The following RERE variants were observed in gnomAD, a reference collection of about 807,000 sequenced individuals.
RERE encodes the protein arginine-glutamic acid dipeptide repeats, also known as arginine-glutamic acid dipeptide repeats protein.
A neutral mutation model predicts 146.1 loss-of-function variants in RERE; 40 were observed. That is an observed-to-expected ratio of 0.27 (90% confidence interval 0.21 to 0.36). The LOEUF (loss-of-function observed/expected upper bound fraction) is 0.36. Among genes scored for constraint, RERE ranks in the 10% least tolerant of loss-of-function variants. The pLI, the probability that RERE is intolerant of heterozygous loss-of-function variation, is 1.00. For synonymous variants in RERE, 1,003 were observed against 866.0 expected, an observed-to-expected ratio of 1.16 and a Z score of -2.78; for missense variants, 1,933 against 2,138.7, an observed-to-expected ratio of 0.90 and a Z score of 1.90.
intron 1 of RERE, among the ~76,000 whole-genome samples, chr1:8,688,678 T>C (rs933460358): frequency 2.0e-5 from 3 of 152,224 alleles, no homozygotes; most frequent in African/African-American, 4.8e-5. Flanking sequence ...ATGGGAGCTA[T>C]GATCGTGCCA....
Position 8,355,025 on chromosome 1 carries a change from A to G in RERE, c.*62T>C, listed in dbSNP as rs1458653432. On this transcript the variant is annotated 3_prime_UTR_variant, in exon 23 of 23. Transcript: ENST00000400908. ...CTTTTGCAGCTCCTATTTTATGTAA[A>G]AAGTCCTGTTTCTCCCCCCAAGAAC... 1.4e-6 allele frequency: 2 copies of G among 1,398,524 alleles called. 1 individual carries two copies. Among genetic ancestry groups the G allele is most frequent in the African/African-American group, 2.9e-5 (2 of 69,474 alleles). 86.6% of individuals were successfully genotyped at this position (1,398,524 alleles called of 1,614,324 possible).
chr1:8,604,692 G>A (rs1011135793), intron 4 of RERE, among the ~76,000 whole-genome samples: 11 of 151,206 alleles, frequency 7.3e-5, no homozygotes, highest in Non-Finnish European at 1.6e-4. Context: ...ATATCTGTAA[G>A]GTGGGCAATA....
In RERE at chr1:8,500,739, G is replaced by A. The variant is rs544278145; in HGVS notation, c.880-3210C>T. Among the ~76,000 whole-genome samples the A allele has an allele frequency of 3.3e-5, 5 of 151,790 alleles. No individual in the cohort carries two copies. In the East Asian group the frequency reaches 7.8e-4, roughly 24 times the overall value. ...TGGAAAGTGAGGAGCGTCTCTGCCC[G>A]GCCGCCATCCCATCTAGGAAGCGAG... On this transcript the variant is annotated intron_variant, in intron 8 of 22. Transcript: ENST00000400908.
intron 2 of RERE, among the ~76,000 whole-genome samples, chr1:8,645,811 G>A (rs1289310573): frequency 3.9e-5 from 6 of 152,070 alleles, no homozygotes; most frequent in East Asian, 3.8e-4. Flanking sequence ...CTATCCTCAC[G>A]AAGTAATAAG....
At chr1:8,573,628 T>C (rs1570456745) in intron 4 of RERE, among the ~76,000 whole-genome samples, 2 of 152,212 alleles carry the variant, frequency 1.3e-5, no homozygotes, top group Non-Finnish European at 2.9e-5. Flanking sequence ...TTTTCACACA[T>C]AAAACTTTTC....
At chr1:8,673,081 G>C (rs1428245225) in intron 1 of RERE, among the ~76,000 whole-genome samples, 1 of 152,068 alleles carries the variant, frequency 6.6e-6, no homozygotes, top group Non-Finnish European at 1.5e-5. Context: ...TTATCATTTA[G>C]AGGAGCCTAA....
At chr1:8,712,930 T>C (rs1278203701) in intron 1 of RERE, among the ~76,000 whole-genome samples, 1 of 152,234 alleles carries the variant, frequency 6.6e-6, no homozygotes, top group Non-Finnish European at 1.5e-5. Context: ...TAAGGCGTCA[T>C]GGTTGCAGTT....
At chr1:8,504,563 A>G (rs913413397) in intron 8 of RERE, among the ~76,000 whole-genome samples, 1 of 152,204 alleles carries the variant, frequency 6.6e-6, no homozygotes, top group African/African-American at 2.4e-5. Context: ...CTAAGAAATA[A>G]TCAGTGGTGG....
intron 7 of RERE, 76 bp downstream of exon 7, chr1:8,541,138 C>A: frequency 2.6e-6 from 2 of 782,736 alleles, no homozygotes; most frequent in Non-Finnish European, 4.2e-6. Context: ...AAACTACACA[C>A]ACACACACAT....
chr1:8,399,763 C>T (rs752982814), intron 12 of RERE, among the ~76,000 whole-genome samples: 18 of 151,594 alleles, frequency 1.2e-4, no homozygotes, highest in South Asian at 2.1e-4. Context: ...CATTTATCTA[C>T]GTCTTTTTTT....
chr1:8,527,566 A>G (rs928330160), intron 7 of RERE, among the ~76,000 whole-genome samples: 1 of 152,254 alleles, frequency 6.6e-6, no homozygotes, highest in African/African-American at 2.4e-5. Flanking sequence ...AGAGCACACT[A>G]TAAAAACGGT....
chr1:8,369,274 A>G (rs1641932866), intron 12 of RERE, among the ~76,000 whole-genome samples: 1 of 152,162 alleles, frequency 6.6e-6, no homozygotes, highest in African/African-American at 2.4e-5. Context: ...CCCATGCCAG[A>G]CAGAAAAAAG....
intron 4 of RERE, among the ~76,000 whole-genome samples, chr1:8,566,127 A>T (rs1485517257): frequency 6.6e-6 from 1 of 152,110 alleles, no homozygotes; most frequent in Admixed American, 6.5e-5. Flanking sequence ...CCTTCTCCCA[A>T]CCTTGGTGTA....
chr1:8,465,521 C>CT, intron 11 of RERE: 1 of 347,112 alleles, frequency 2.9e-6, no homozygotes, highest in Non-Finnish European at 5.7e-6. Flanking sequence ...ACCCCCTTCT[C>CT]TAAAATAATT....
chr1:8,433,197 C>T (rs959511426), intron 11 of RERE, among the ~76,000 whole-genome samples: 15 of 152,184 alleles, frequency 9.9e-5, no homozygotes, highest in Admixed American at 3.3e-4. Context: ...AGATGGGTGT[C>T]TAGGCCTCCA....
intron 4 of RERE, among the ~76,000 whole-genome samples, chr1:8,596,882 G>GC (rs1421022174): frequency 6.6e-6 from 1 of 152,010 alleles, no homozygotes; most frequent in Non-Finnish European, 1.5e-5. Flanking sequence ...TGGAAACAGC[G>GC]CTGCCACAAG....
At chr1:8,816,438 G>A (rs995340862) in intron 1 of RERE, among the ~76,000 whole-genome samples, 1 of 152,132 alleles carries the variant, frequency 6.6e-6, no homozygotes, top group Non-Finnish European at 1.5e-5. Context: ...AGAGACAGAG[G>A]AAAATGACAA....
chr1:8,378,524 C>T (rs943556304), intron 12 of RERE, among the ~76,000 whole-genome samples: 1 of 152,160 alleles, frequency 6.6e-6, no homozygotes, highest in Non-Finnish European at 1.5e-5. Flanking sequence ...CAAGTGAGCC[C>T]TAATCCAGTA....
chr1:8,387,869 C>G (rs1642737027), intron 12 of RERE, among the ~76,000 whole-genome samples: 1 of 152,168 alleles, frequency 6.6e-6, no homozygotes, highest in Non-Finnish European at 1.5e-5. Flanking sequence ...GGTAAAATAG[C>G]AGATACGCAT....
Sources: allele counts gnomAD v4.1 joint callset (sites outside exome capture counted in the v4.1 genomes callset), GRCh38; gene constraint gnomAD v4.1.1; transcripts MANE v1.5; gene names NCBI Gene and HGNC (gene_info 2026-07-23, HGNC 2026-07-21).